The following ADGB variants were observed in gnomAD, a reference collection of about 807,000 sequenced individuals.
The protein encoded by ADGB is androglobin.
In ADGB, 172 loss-of-function variants were observed where a neutral mutation model predicts 210.5. The observed-to-expected ratio is 0.82, with a 90% CI of 0.72 to 0.93. The LOEUF is 0.93. Ranked by LOEUF, ADGB falls within the 40% of genes least tolerant of loss-of-function variation. ADGB has a pLI of 0.00. For synonymous variants in ADGB, 658 were observed against 662.7 expected (o/e 0.99, Z 0.11); for missense variants, 2,025 against 1,964.8 (o/e 1.03, Z -0.58).
At chr6:146,620,169 G>T (rs897747698) in intron 1 of ADGB, among the ~76,000 whole-genome samples, 1 of 152,090 alleles carries the variant, frequency 6.6e-6, no homozygotes, top group African/African-American at 2.4e-5. Flanking sequence ...CATTGAATGT[G>T]ATATTTTTAT....
chr6:146,730,631 G>A (rs1776967474), intron 20 of ADGB, among the ~76,000 whole-genome samples: 1 of 152,158 alleles, frequency 6.6e-6, no homozygotes, highest in Admixed American at 6.5e-5. Context: ...GGAAATACTG[G>A]TGCTATCTTC....
At chr6:146,608,831 G>T (rs1469957866) in intron 1 of ADGB, among the ~76,000 whole-genome samples, 3 of 152,170 alleles carry the variant, frequency 2.0e-5, no homozygotes. Context: ...AAAATGGGGA[G>T]AATGTATTTT....
At chr6:146,727,394 A>G (rs975732392) in intron 19 of ADGB, among the ~76,000 whole-genome samples, 1 of 152,160 alleles carries the variant, frequency 6.6e-6, no homozygotes, top group Non-Finnish European at 1.5e-5. Flanking sequence ...CAACAGCCAC[A>G]GCAAGATCAC....
intron 8 of ADGB, among the ~76,000 whole-genome samples, chr6:146,675,013 G>T (rs1243496432): frequency 6.6e-6 from 1 of 151,786 alleles, no homozygotes; most frequent in Non-Finnish European, 1.5e-5. Flanking sequence ...ATTGAATTAA[G>T]GTAATATATA....
chr6:146,813,121 C>T (rs1056819745), intron 35 of ADGB, among the ~76,000 whole-genome samples: 6 of 152,114 alleles, frequency 3.9e-5, no homozygotes, highest in Non-Finnish European at 7.4e-5. Context: ...CCTCTAAGCC[C>T]CTGTTTACTA....
intron 5 of ADGB, among the ~76,000 whole-genome samples, chr6:146,662,388 A>G (rs1583579505): frequency 6.6e-6 from 1 of 152,018 alleles, no homozygotes; most frequent in Admixed American, 6.6e-5. Context: ...ACTAATTTCT[A>G]TGCTATCTGC....
chr6:146,666,783 G>A, intron 6 of ADGB, 33 bp from the exon 7 acceptor site: 1 of 1,427,854 alleles, frequency 7.0e-7, no homozygotes, highest in Non-Finnish European at 9.6e-7. Flanking sequence ...TTCAAATTTT[G>A]CTACCTGTAA....
chr6:146,784,303 T>A (rs913108444), intron 30 of ADGB, among the ~76,000 whole-genome samples: 6 of 152,202 alleles, frequency 3.9e-5, no homozygotes, highest in African/African-American at 1.4e-4. Flanking sequence ...TGTGTTCGAC[T>A]TCTTTATCAA....
At chr6:146,670,817 T>TA (rs113545565) in intron 7 of ADGB, among the ~76,000 whole-genome samples, 4 of 152,136 alleles carry the variant, frequency 2.6e-5, no homozygotes, top group Admixed American at 6.6e-5. Flanking sequence ...AAATGAGAAT[T>TA]AAAAAAAAAA....
chr6:146,785,594 C>T lies in ADGB; in HGVS notation c.4213-16C>T. The T allele has an allele frequency of 6.5e-7, 1 of 1,543,746 alleles. No homozygotes were observed. The highest frequency in any genetic ancestry group is 8.8e-7 in the Non-Finnish European group (1 of 1,140,424). ...TTTGAAGAGCTTTTAAAAAGCTGCT[C>T]ATGTTTGTTTTTTAGGCTTCTCAGG... On this transcript the variant is annotated splice_polypyrimidine_tract_variant and intron_variant, in intron 31 of 35. Transcript: ENST00000397944.
chr6:146,691,443 A>ATATATATATTTATATATAT (rs1562275550), intron 11 of ADGB, among the ~76,000 whole-genome samples, 153 bp downstream of exon 11: 1 of 21,284 alleles, frequency 4.7e-5, no homozygotes, highest in African/African-American at 3.7e-4. Flanking sequence ...TATATATATA[A>ATATATATATTTATATATAT]AAATATATAT....
chr6:146,792,441 C>G (rs958286222), intron 33 of ADGB, among the ~76,000 whole-genome samples: 1 of 152,174 alleles, frequency 6.6e-6, no homozygotes, highest in African/African-American at 2.4e-5. Context: ...CCCATGCAGT[C>G]TGCACTGTGC....
intron 7 of ADGB, among the ~76,000 whole-genome samples, chr6:146,671,237 C>T (rs997354136): frequency 1.3e-5 from 2 of 152,114 alleles, no homozygotes; most frequent in African/African-American, 4.8e-5. Context: ...TGAAAGATTG[C>T]TCAGAGCCTT....
intron 23 of ADGB, among the ~76,000 whole-genome samples, chr6:146,738,259 C>A (rs1777108420): frequency 6.6e-6 from 1 of 151,996 alleles, no homozygotes; most frequent in Non-Finnish European, 1.5e-5. Flanking sequence ...AGAAAAGTAG[C>A]CACTGTAAAC....
chr6:146,812,313 G>GTTTC (rs1176327781), intron 35 of ADGB, among the ~76,000 whole-genome samples: 1 of 152,238 alleles, frequency 6.6e-6, no homozygotes, highest in Non-Finnish European at 1.5e-5. Flanking sequence ...TGAGGCAAGA[G>GTTTC]TTTCATCAAT....
chr6:146,662,913 TTA>T (rs1775882387), intron 5 of ADGB, among the ~76,000 whole-genome samples: 1 of 147,230 alleles, frequency 6.8e-6, no homozygotes. Context: ...CACAATCTTC[TTA>T]TATATAATAT....
intron 3 of ADGB, among the ~76,000 whole-genome samples, chr6:146,652,176 T>C (rs1317930987): frequency 6.6e-6 from 1 of 152,194 alleles, no homozygotes; most frequent in Non-Finnish European, 1.5e-5. Context: ...ATTTGTTGTC[T>C]CTTACAAACT....
At chr6:146,787,638 CA>C (rs1390508261) in intron 32 of ADGB, among the ~76,000 whole-genome samples, 1 of 149,670 alleles carries the variant, frequency 6.7e-6, no homozygotes, top group Non-Finnish European at 1.5e-5. Flanking sequence ...AACATTTCTT[CA>C]TGCTCTTAAG....
chr6:146,744,209 G>A (rs1025310856), intron 25 of ADGB, among the ~76,000 whole-genome samples: 15 of 152,068 alleles, frequency 9.9e-5, no homozygotes, highest in Admixed American at 9.2e-4. Flanking sequence ...TGATATGGTG[G>A]ACTCAAGAGA....
Sources: gnomAD v4.1 joint callset for allele counts (sites outside exome capture counted in the v4.1 genomes callset) on GRCh38, gnomAD v4.1.1 for gene constraint, MANE v1.5 for transcripts, NCBI Gene and HGNC (gene_info 2026-07-23, HGNC 2026-07-21) for gene names.